Variants in TRAM2 observed in about 807,000 individuals in gnomAD.
TRAM2 encodes translocating chain-associated membrane protein 2.
A neutral mutation model predicts 51.0 loss-of-function variants in TRAM2; 12 were observed. The observed-to-expected ratio is 0.24, with a 90% CI of 0.15 to 0.38. The LOEUF is 0.38. TRAM2 is among the 10% of genes least tolerant of loss of function. The probability of loss-of-function intolerance (pLI) is 1.00; values close to 1 mark genes in which losing one functional copy is unlikely to be tolerated. For missense variants in TRAM2, 361 were observed against 462.0 expected (o/e 0.78, Z 2.00); for synonymous variants, 175 against 179.4 (o/e 0.98, Z 0.20).
intron 1 of TRAM2, among the ~76,000 whole-genome samples, chr6:52,571,389 G>A (rs183403486): frequency 1.2e-3 from 176 of 152,340 alleles, no homozygotes; most frequent in Admixed American, 3.5e-3. Flanking sequence ...AGCAACACAT[G>A]TTATTCTACA....
intron 1 of TRAM2, among the ~76,000 whole-genome samples, chr6:52,568,652 C>CT (rs1483734710): frequency 6.6e-6 from 1 of 152,208 alleles, no homozygotes; most frequent in Non-Finnish European, 1.5e-5. Context: ...TAAATTCTGT[C>CT]TCTATCCTTT....
chr6:52,523,188 C>T (rs1766708145), intron 2 of TRAM2: 6 of 366,536 alleles, frequency 1.6e-5, no homozygotes, highest in East Asian at 4.2e-5. Context: ...ACTCTGTTTT[C>T]GTATTATTTT....
At chr6:52,576,723 C>T (rs1767773221) in intron 1 of TRAM2, 73 bp downstream of exon 1, 1 of 1,558,754 alleles carries the variant, frequency 6.4e-7, no homozygotes, top group Non-Finnish European at 8.7e-7. Flanking sequence ...GGCCCGCTGA[C>T]CTGCAGGGGT....
In TRAM2 at chr6:52,506,143, G is replaced by T. The variant is rs758174176; in HGVS notation, c.627-7C>A. On this transcript the variant is annotated splice_region_variant and splice_polypyrimidine_tract_variant and intron_variant, in intron 7 of 10. Coordinates refer to ENST00000182527, the MANE Select transcript of TRAM2 (RefSeq NM_012288.4). ...CAGGCCCAGGCGGCTCAGGCTGGGGGTGGGGAAGACTAGACTTACATTCCC... is the reference window on the plus strand; with the variant it reads ...CAGGCCCAGGCGGCTCAGGCTGGGGTTGGGGAAGACTAGACTTACATTCCC... 2 of 1,612,422 alleles carry T rather than the reference G, an allele frequency of 1.2e-6. No homozygotes were observed. The highest frequency in any genetic ancestry group is 1.7e-6 in the Non-Finnish European group (2 of 1,179,372).
intron 1 of TRAM2, 58 bp downstream of exon 1, chr6:52,576,738 C>G (rs1311865068): frequency 2.4e-5 from 38 of 1,585,198 alleles, no homozygotes; most frequent in Non-Finnish European, 3.2e-5. Flanking sequence ...AGGGGTGTGC[C>G]GGGCGGTGCA....
At chr6:52,517,851 C>A (rs1461479419) in intron 2 of TRAM2, among the ~76,000 whole-genome samples, 1 of 152,186 alleles carries the variant, frequency 6.6e-6, no homozygotes, top group African/African-American at 2.4e-5. Context: ...GGAGTCCACC[C>A]TAATCTCAGC....
intron 2 of TRAM2, among the ~76,000 whole-genome samples, chr6:52,520,608 TG>T (rs1766654678): frequency 6.6e-6 from 1 of 152,222 alleles, no homozygotes; most frequent in South Asian, 2.1e-4. Context: ...TTATCTCGTC[TG>T]ATCATCCTAA....
chr6:52,513,739 G>C (rs1180165001), intron 4 of TRAM2, among the ~76,000 whole-genome samples: 5 of 152,094 alleles, frequency 3.3e-5, no homozygotes, highest in African/African-American at 4.8e-5. Context: ...CACATGAATG[G>C]GGAGGAAAAA....
At chr6:52,523,415 CAGAAA>C (rs1766713369) in intron 2 of TRAM2, 1 of 42,896 alleles carries the variant, frequency 2.3e-5, no homozygotes, top group South Asian at 1.2e-3. Context: ...AGACAAGCCA[CAGAAA>C]AAAGAAACAG....
At chr6:52,509,095 G>A (rs1766402676) in intron 5 of TRAM2, among the ~76,000 whole-genome samples, 1 of 152,232 alleles carries the variant, frequency 6.6e-6, no homozygotes, top group African/African-American at 2.4e-5. Flanking sequence ...TGAGGGAGAT[G>A]GCCCCAGGTA....
chr6:52,563,099 A>G (rs1253953308), intron 1 of TRAM2, among the ~76,000 whole-genome samples: 1 of 152,206 alleles, frequency 6.6e-6, no homozygotes, highest in Non-Finnish European at 1.5e-5. Context: ...TCACTGCTGC[A>G]TTGTTTATAA....
chr6:52,576,669 T>C, intron 1 of TRAM2, 127 bp downstream of exon 1: 2 of 1,279,794 alleles, frequency 1.6e-6, no homozygotes, highest in South Asian at 2.9e-5. Flanking sequence ...AAAGCCGGGG[T>C]GCAGATAACG....
At chr6:52,503,432 G>T (rs550594072) in intron 10 of TRAM2, among the ~76,000 whole-genome samples, 162 bp from the exon 11 acceptor site, 106 of 152,316 alleles carry the variant, frequency 7.0e-4, no homozygotes, top group African/African-American at 2.4e-3. Context: ...GCAAATGCAA[G>T]CCAGCAGACG....
intron 1 of TRAM2, among the ~76,000 whole-genome samples, chr6:52,541,183 G>A (rs190900954): frequency 2.6e-4 from 39 of 152,322 alleles, no homozygotes; most frequent in South Asian, 1.9e-3. Context: ...GGGTGACCTT[G>A]GGCAGGACAT....
chr6:52,569,335 A>G (rs1469661338), intron 1 of TRAM2, among the ~76,000 whole-genome samples: 1 of 151,782 alleles, frequency 6.6e-6, no homozygotes, highest in Non-Finnish European at 1.5e-5. Context: ...GGTTGCAGCA[A>G]GCCAAGATTG....
intron 1 of TRAM2, among the ~76,000 whole-genome samples, chr6:52,571,947 G>A (rs191180845): frequency 1.1e-4 from 16 of 152,330 alleles, no homozygotes; most frequent in Admixed American, 9.8e-4. Context: ...TCACTGGGTA[G>A]TTAGGGTTAA....
In TRAM2 at chr6:52,507,707, A is replaced by G. The variant is rs954729007; in HGVS notation, c.556-84T>C. 4.4e-6 allele frequency: 6 copies of G among 1,364,652 alleles called. No homozygotes were observed. In the African/African-American group the frequency reaches 8.5e-5, roughly 19 times the overall value. The allele number at this position is 1,364,652 out of a possible 1,614,324, so 84.5% of individuals were successfully genotyped here. A position where few individuals can be genotyped will look rare whatever the true frequency, so the allele number is the denominator to read the frequency against. On this transcript the variant is annotated intron_variant, in intron 6 of 10. Coordinates refer to ENST00000182527, the MANE Select transcript of TRAM2 (RefSeq NM_012288.4). ...AGGGGGAAAAGTGCAGGGGGATGAG[A>G]GAGGGCCAGGCTCCTCTGGGCTGCT...
At chr6:52,506,669 A>C (rs559496281) in intron 7 of TRAM2, among the ~76,000 whole-genome samples, 6 of 152,278 alleles carry the variant, frequency 3.9e-5, no homozygotes, top group African/African-American at 1.2e-4. Context: ...CCCGTTATGC[A>C]TGTGACACAT....
chr6:52,540,478 C>T (rs923963638), intron 1 of TRAM2, among the ~76,000 whole-genome samples: 1 of 152,172 alleles, frequency 6.6e-6, no homozygotes, highest in Non-Finnish European at 1.5e-5. Context: ...TTTCTGCAGC[C>T]ACCTGAAGGA....
Sources: allele counts gnomAD v4.1 joint callset (sites outside exome capture counted in the v4.1 genomes callset), GRCh38; gene constraint gnomAD v4.1.1; transcripts MANE v1.5; gene names NCBI Gene and HGNC (gene_info 2026-07-23, HGNC 2026-07-21).